Variants in ALAS1 observed in about 807,000 individuals in gnomAD.
ALAS1 encodes the protein 5-aminolevulinate synthase, non-specific, mitochondrial.
Under a neutral mutation model 59.6 loss-of-function variants are expected in ALAS1, and 29 were observed. That is an observed-to-expected ratio of 0.49 (90% CI 0.36 to 0.66). ALAS1 has a LOEUF of 0.66. ALAS1 is among the 30% of genes least tolerant of loss of function. ALAS1 has a pLI of 0.00. For synonymous variants in ALAS1, 299 were observed against 296.6 expected, an observed-to-expected ratio of 1.01 and a Z score of -0.08; for missense variants, 690 against 807.5, an observed-to-expected ratio of 0.85 and a Z score of 1.76.
chr3:52,203,514 C>G (rs1699232055), intron 4 of ALAS1, among the ~76,000 whole-genome samples: 1 of 151,376 alleles, frequency 6.6e-6, no homozygotes, highest in African/African-American at 2.4e-5. Context: ...GCTCTCCAGC[C>G]TGGGTGACAG....
At chr3:52,203,144 C>G (rs1192974195) in intron 4 of ALAS1, among the ~76,000 whole-genome samples, 1 of 152,168 alleles carries the variant, frequency 6.6e-6, no homozygotes, top group Non-Finnish European at 1.5e-5. Flanking sequence ...AACCTTAACT[C>G]CACAATATAT....
At chr3:52,205,729 T>C in intron 6 of ALAS1, 110 bp from the exon 7 acceptor site, 5 of 1,045,564 alleles carry the variant, frequency 4.8e-6, no homozygotes, top group Non-Finnish European at 6.8e-6. Flanking sequence ...AGTGAGAGAG[T>C]TGCTACATCA....
chr3:52,204,082 A>G, intron 5 of ALAS1, 70 bp downstream of exon 5: 1 of 1,488,086 alleles, frequency 6.7e-7, no homozygotes, highest in Non-Finnish European at 9.1e-7. Flanking sequence ...GATTAAATAT[A>G]AAATTGCATG....
intron 11 of ALAS1, 98 bp from the exon 12 acceptor site, chr3:52,213,922 G>A (rs1302304925): frequency 2.7e-6 from 3 of 1,106,804 alleles, no homozygotes; most frequent in African/African-American, 3.2e-5. Context: ...GAATAATGCT[G>A]CTATGAACAT....
In ALAS1 at chr3:52,199,360, G is replaced by C; in HGVS notation, c.119G>C (p.Gly40Ala). 6.2e-7 allele frequency: 1 copy of C among 1,614,214 alleles called. No homozygotes were observed. Among genetic ancestry groups the C allele is most frequent in the Non-Finnish European group, 8.5e-7 (1 of 1,180,048 alleles). ...AQNCPKMMEV[G>A]AKPAPRALST... ...AACTGCCCCAAGATGATGGAAGTTG[G>C]GGCCAAGCCAGCCCCTCGGGCATTG... Residue 40 changes from glycine (G) to alanine (A), a missense_variant, in exon 3 of 12, where the codon GGG becomes GCG. Gly to Ala is a moderately conservative substitution (Grantham distance 60). Coordinates refer to ENST00000484952, the MANE Select transcript of ALAS1 (RefSeq NM_000688.6).
intron 8 of ALAS1, among the ~76,000 whole-genome samples, chr3:52,207,161 G>C (rs565863280): frequency 6.6e-6 from 1 of 151,970 alleles, no homozygotes; most frequent in Admixed American, 6.6e-5. Context: ...CTGCCACCAC[G>C]CCCAGCTAAT....
intron 9 of ALAS1, among the ~76,000 whole-genome samples, chr3:52,209,979 C>G (rs544003785): frequency 8.5e-5 from 13 of 152,276 alleles, no homozygotes; most frequent in Non-Finnish European, 1.6e-4. Context: ...TGCACCTGGC[C>G]TCTTCTGGAG....
At chr3:52,202,401 T>C in intron 3 of ALAS1, 106 bp from the exon 4 acceptor site, 3 of 886,120 alleles carry the variant, frequency 3.4e-6, no homozygotes, top group Non-Finnish European at 3.6e-6. Flanking sequence ...TGGGGTACAG[T>C]AAGTATTAAG....
rs373873328 is a variant in ALAS1, at chr3:52,198,164, T to C, written c.-301T>C. ...GGCGCCGGCGATCGCGGCCTGAGGC[T>C]GCTCCCGGACAAGGGCAACGAGCGT... On this transcript the variant is annotated 5_prime_UTR_variant, in exon 1 of 12. Transcript: ENST00000484952. 1.8e-5 allele frequency: 7 copies of C among 398,564 alleles called. No homozygotes were observed. The South Asian group carries it at 3.8e-4, about 21-fold the overall frequency. 24.7% of individuals were successfully genotyped at this position (398,564 alleles called of 1,614,324 possible). A position where few individuals can be genotyped will look rare whatever the true frequency, so the allele number is the denominator to read the frequency against.
At chr3:52,198,120 C>G (rs1182864183), upstream of ALAS1, 7 of 398,006 alleles carry the variant, frequency 1.8e-5, no homozygotes, top group Non-Finnish European at 2.7e-5. Context: ...GCGCAGCGGT[C>G]ACTCCCGCTG....
chr3:52,202,753 A>G lies in ALAS1; in HGVS notation c.427+19A>G. Reference sequence around the variant, plus strand: ...AGGAAAGGTAAGAGATGAGTTGTGAACCATTAGTGGTAGTGAAGGGGTCCT... The same window carrying G: ...AGGAAAGGTAAGAGATGAGTTGTGAGCCATTAGTGGTAGTGAAGGGGTCCT... On this transcript the variant is annotated intron_variant, in intron 4 of 11. Transcript: ENST00000484952. 6 of 1,609,018 alleles carry G rather than the reference A, an allele frequency of 3.7e-6. No individual in the cohort carries two copies. Among genetic ancestry groups the G allele is most frequent in the Non-Finnish European group, 5.1e-6 (6 of 1,176,236 alleles).
chr3:52,202,640 GGCA>G lies in ALAS1; in HGVS notation c.337_339del (p.Ala113del). ...GCACTGCAAGCAAATGCCCTTTCCT[GGCA>G]GCACAGATGAATCAGAGAGGCAGCA... On this transcript the variant is annotated inframe_deletion, in exon 4 of 12. Transcript: ENST00000484952. 1 of 1,614,208 alleles carries G rather than the reference GGCA, an allele frequency of 6.2e-7. No individual in the cohort carries two copies. Among genetic ancestry groups the G allele is most frequent in the Non-Finnish European group, 8.5e-7 (1 of 1,180,044 alleles).
intron 9 of ALAS1, among the ~76,000 whole-genome samples, chr3:52,210,461 T>A (rs767816861): frequency 1.3e-5 from 2 of 152,172 alleles, no homozygotes; most frequent in Admixed American, 6.5e-5. Flanking sequence ...TTTGTAACTT[T>A]CCTTAGCTTT....
intron 3 of ALAS1, among the ~76,000 whole-genome samples, chr3:52,201,924 A>G (rs549981434): frequency 6.6e-6 from 1 of 152,316 alleles, no homozygotes; most frequent in South Asian, 2.1e-4. Flanking sequence ...AGAAAATGGT[A>G]CTTTTTTTGG....
Position 52,199,374 on chromosome 3 carries a change from C to T in ALAS1, c.133C>T (p.Pro45Ser). ...KMMEVGAKPA[P>S]RALSTAAVHY... ...GATGGAAGTTGGGGCCAAGCCAGCCCCTCGGGCATTGTCCACTGCAGCAGT... is the reference window on the plus strand; with the variant it reads ...GATGGAAGTTGGGGCCAAGCCAGCCTCTCGGGCATTGTCCACTGCAGCAGT... Residue 45 changes from proline (P) to serine (S), a missense_variant, in exon 3 of 12, where the codon CCT becomes TCT. Physicochemically the swap from Pro to Ser is moderately conservative, Grantham distance 74. Transcript: ENST00000484952. 3 of 1,614,196 alleles carry T rather than the reference C, an allele frequency of 1.9e-6. No individual in the cohort carries two copies. Among genetic ancestry groups the T allele is most frequent in the Non-Finnish European group, 1.7e-6 (2 of 1,180,044 alleles).
intron 9 of ALAS1, among the ~76,000 whole-genome samples, chr3:52,210,227 A>G (rs961198379): frequency 2.6e-5 from 4 of 152,220 alleles, no homozygotes; most frequent in African/African-American, 9.6e-5. Flanking sequence ...TCTTGTTCCA[A>G]AGAGCACATG....
intron 10 of ALAS1, 131 bp downstream of exon 10, chr3:52,211,682 C>A: frequency 7.7e-7 from 1 of 1,299,118 alleles, no homozygotes; most frequent in Non-Finnish European, 1.1e-6. Flanking sequence ...TGTAGCCAGC[C>A]ACCCTCTGTC....
rs2107272915 is a variant in ALAS1, at chr3:52,206,578, A to G, written c.992A>G (p.Glu331Gly). ...AGCATTTTTGTTGTCTTAGGCTGTG[A>G]GATTTACTCTGATTCTGGGAACCAT... is the stretch of plus-strand genomic sequence containing the variant. The part of the protein sequence containing the change: ...FTLAKMMPGC[E>G]IYSDSGNHAS... The change falls in exon 8 of 12, where the codon GAG becomes GGG. Residue 331 changes from glutamate to glycine, a missense_variant. Coordinates refer to ENST00000484952, the MANE Select transcript of ALAS1 (RefSeq NM_000688.6). 1 of 1,614,062 alleles carries G rather than the reference A, an allele frequency of 6.2e-7. No individual in the cohort carries two copies. Among genetic ancestry groups the G allele is most frequent in the East Asian group, 2.2e-5 (1 of 44,880 alleles).
intron 3 of ALAS1, among the ~76,000 whole-genome samples, chr3:52,200,509 G>A (rs1699166018): frequency 6.6e-6 from 1 of 152,152 alleles, no homozygotes; most frequent in African/African-American, 2.4e-5. Context: ...AGGCCGAGGT[G>A]GTTTGATCAC....
Sources: gnomAD v4.1 joint callset for allele counts (sites outside exome capture counted in the v4.1 genomes callset) on GRCh38, gnomAD v4.1.1 for gene constraint, MANE v1.5 for transcripts, NCBI Gene and HGNC (gene_info 2026-07-23, HGNC 2026-07-21) for gene names.